Variants in MYCBP2 observed in about 807,000 individuals in gnomAD.
MYCBP2 encodes MYC binding protein 2.
Under a neutral mutation model 525.3 loss-of-function variants are expected in MYCBP2, and 120 were observed. The observed-to-expected ratio is 0.23, with a 90% CI of 0.20 to 0.27. MYCBP2 has a LOEUF of 0.27. Ranked by LOEUF, MYCBP2 falls within the 10% of genes least tolerant of loss-of-function variation. MYCBP2 has a pLI of 1.00. For synonymous variants in MYCBP2, 1,894 were observed against 1,955.8 expected, an observed-to-expected ratio of 0.97 and a Z score of 0.83; for missense variants, 4,149 against 5,657.1, an observed-to-expected ratio of 0.73 and a Z score of 8.55.
intron 36 of MYCBP2, 38 bp downstream of exon 36, chr13:77,176,459 A>G (rs774781853): frequency 1.3e-6 from 2 of 1,511,834 alleles, no homozygotes; most frequent in Non-Finnish European, 1.8e-6. Context: ...ACATAATAAT[A>G]CCTCTTATTC....
In MYCBP2 at chr13:77,098,053, A is replaced by G; in HGVS notation, c.9101T>C (p.Val3034Ala). Reference sequence around the variant, plus strand: ...TTCATGCCAGAGGAAGGAAGCAAACACAGCTCTGGCACATTCGGCCACAGA... The same window carrying G: ...TTCATGCCAGAGGAAGGAAGCAAACGCAGCTCTGGCACATTCGGCCACAGA... Reference protein sequence around the residue: ...SPSVAECARAVFASFLWHEGI... With the variant: ...SPSVAECARAAFASFLWHEGI... The change falls in exon 56 of 83, where the codon GTG (valine) becomes GCG (alanine). Residue 3034 changes from valine (V) to alanine (A), a missense_variant. Transcript: ENST00000544440. 1 of 1,613,688 alleles carries G rather than the reference A, an allele frequency of 6.2e-7. No individual in the cohort carries two copies. The highest frequency in any genetic ancestry group is 8.5e-7 in the Non-Finnish European group (1 of 1,179,808).
chr13:77,294,114 A>ATATATATATG, intron 2 of MYCBP2, among the ~76,000 whole-genome samples: 1 of 55,416 alleles, frequency 1.8e-5, no homozygotes, highest in East Asian at 4.9e-4. Flanking sequence ...CTATATATAT[A>ATATATATATG]TATATATATA....
chr13:77,270,598 A>G, intron 5 of MYCBP2, 60 bp from the exon 6 acceptor site: 1 of 1,470,432 alleles, frequency 6.8e-7, no homozygotes. Context: ...AACACAGAAC[A>G]AAGATACTTT....
intron 21 of MYCBP2, among the ~76,000 whole-genome samples, chr13:77,216,019 T>C (rs2064772653): frequency 6.6e-6 from 1 of 152,158 alleles, no homozygotes; most frequent in African/African-American, 2.4e-5. Flanking sequence ...GAATCAGGGT[T>C]CTTGGAGAAA....
At chr13:77,080,773 C>T (rs2154103197) in intron 65 of MYCBP2, 1 of 152,208 alleles carries the variant, frequency 6.6e-6, no homozygotes, top group African/African-American at 2.4e-5. Flanking sequence ...GAAACCCTGT[C>T]TCTACTAAAA....
chr13:77,210,342 G>A (rs546631469), intron 23 of MYCBP2, among the ~76,000 whole-genome samples: 52 of 151,640 alleles, frequency 3.4e-4, no homozygotes, highest in African/African-American at 1.1e-3. Context: ...ACAGGTGCCC[G>A]CCACCACGCC....
Position 77,122,031 on chromosome 13 carries a change from TAGA to T in MYCBP2, c.8018-539_8018-537del, listed in dbSNP as rs542219890. Among the ~76,000 whole-genome samples, 970 of 152,108 alleles carry T rather than the reference TAGA, an allele frequency of 6.4e-3. 7 individuals are homozygous for T. Among genetic ancestry groups the T allele is most frequent in the African/African-American group, 0.022 (905 of 41,500 alleles). On this transcript the variant is annotated intron_variant, in intron 54 of 82. Transcript: ENST00000544440. ...ATCACATAAAGATATTTTTCCCAAATAGAAGGATAATAATAAACCATGTTACAT... is the reference window on the plus strand; with the variant it reads ...ATCACATAAAGATATTTTTCCCAAATAGGATAATAATAAACCATGTTACAT...
chr13:77,091,059 C>T (rs2045323419), intron 59 of MYCBP2, among the ~76,000 whole-genome samples: 2 of 152,066 alleles, frequency 1.3e-5, no homozygotes, highest in Admixed American at 6.6e-5. Context: ...AATATTTTTG[C>T]TCACCGTTGG....
At chr13:77,163,290 G>C (rs2058159413) in intron 43 of MYCBP2, among the ~76,000 whole-genome samples, 1 of 152,074 alleles carries the variant, frequency 6.6e-6, no homozygotes, top group Non-Finnish European at 1.5e-5. Flanking sequence ...TAGGTTGCTA[G>C]CAATTTTCCT....
At position 77,326,767 on chromosome 13, in the gene MYCBP2, C is replaced by T; in HGVS notation, c.9G>A (p.Met3Ile). 7.1e-7 allele frequency: 1 copy of T among 1,409,678 alleles called. No individual in the cohort carries two copies. Among genetic ancestry groups the T allele is most frequent in the Non-Finnish European group, 9.1e-7 (1 of 1,095,454 alleles). 87.3% of individuals were successfully genotyped at this position (1,409,678 alleles called of 1,614,324 possible). Residue 3 changes from methionine (M) to isoleucine (I), a missense_variant, in exon 1 of 83, where the codon ATG (methionine) becomes ATA (isoleucine). This residue lies in a region of MYCBP2 where 413 missense variants were observed against 451.2 expected (regional missense o/e 0.92). Transcript: ENST00000544440. The surrounding 1 kb of genome is among the most constrained non-coding windows in gnomAD (Gnocchi z 4.2). MMMCAATASPAAA... is the reference protein window; with the variant it reads MMICAATASPAAA... Reference sequence around the variant, plus strand: ...CGGCGGGGGAGGCAGTCGCTGCGCACATCATCATCCTCGCCGCCGCCGCCG... The same window carrying T: ...CGGCGGGGGAGGCAGTCGCTGCGCATATCATCATCCTCGCCGCCGCCGCCG...
chr13:77,165,209 A>G, intron 42 of MYCBP2, 64 bp downstream of exon 42: 1 of 1,382,526 alleles, frequency 7.2e-7, no homozygotes, highest in Non-Finnish European at 1.0e-6. Flanking sequence ...AGTTAGAAGC[A>G]CAACTCACTA....
intron 3 of MYCBP2, among the ~76,000 whole-genome samples, 154 bp downstream of exon 3, chr13:77,288,007 T>C (rs898064606): frequency 3.9e-5 from 6 of 152,248 alleles, no homozygotes; most frequent in Non-Finnish European, 7.3e-5. Flanking sequence ...GAGTTTTCCT[T>C]TTCTGCTCCA....
At chr13:77,225,662 C>A in intron 18 of MYCBP2, 108 bp from the exon 19 acceptor site, 1 of 1,377,240 alleles carries the variant, frequency 7.3e-7, no homozygotes, top group Non-Finnish European at 9.9e-7. Context: ...TTAAAAGGAA[C>A]AAGCAAGAAG....
chr13:77,300,990 T>C (rs575314339), intron 1 of MYCBP2, among the ~76,000 whole-genome samples: 1 of 152,246 alleles, frequency 6.6e-6, no homozygotes, highest in Non-Finnish European at 1.5e-5. Flanking sequence ...AACAAGAGAC[T>C]AGTAGTGCTT....
intron 4 of MYCBP2, among the ~76,000 whole-genome samples, chr13:77,274,914 A>AT (rs1197858320): frequency 1.3e-5 from 2 of 150,534 alleles, no homozygotes; most frequent in Admixed American, 6.6e-5. Flanking sequence ...CTATACTTCC[A>AT]TTTTTTTCCA....
At chr13:77,245,873 T>TATAC (rs2069833534) in intron 15 of MYCBP2, among the ~76,000 whole-genome samples, 1 of 150,840 alleles carries the variant, frequency 6.6e-6, no homozygotes, top group African/African-American at 2.4e-5. Context: ...CACATATATA[T>TATAC]ACACACACAC....
At chr13:77,077,060 G>T (rs74096181) in intron 67 of MYCBP2, 88 bp downstream of exon 67, 13 of 1,507,192 alleles carry the variant, frequency 8.6e-6, no homozygotes, top group Non-Finnish European at 1.2e-5. Context: ...AGAAATTTCT[G>T]TAATAAGTTT....
rs1302867127 is a variant in MYCBP2 at position 77,296,639 on chromosome 13, C to A, written c.338G>T (p.Arg113Ile). The A allele has an allele frequency of 6.5e-7, 1 of 1,529,852 alleles. No homozygotes were observed. 94.8% of individuals were successfully genotyped at this position (1,529,852 alleles called of 1,614,324 possible). A position where few individuals can be genotyped will look rare whatever the true frequency, so the allele number is the denominator to read the frequency against. Residue 113 changes from arginine (R) to isoleucine (I), a missense_variant, in exon 2 of 83, where the codon AGA becomes ATA. This residue lies in a region of MYCBP2 where 413 missense variants were observed against 451.2 expected (regional missense o/e 0.92). Transcript: ENST00000544440. ...KKILNKKKLK[R>I]KQKSKSKVKT... ...CACTTTTGATTTGCTCTTCTGTTTT[C>A]TTTTCAATTTCTTCTTATTTAAAAT...
At chr13:77,131,781 C>G (rs1354805854) in intron 52 of MYCBP2, among the ~76,000 whole-genome samples, 1 of 151,936 alleles carries the variant, frequency 6.6e-6, no homozygotes, top group African/African-American at 2.4e-5. Context: ...AAAGTTCTGT[C>G]AAGAAAATTA....
Sources: allele counts gnomAD v4.1 joint callset (sites outside exome capture counted in the v4.1 genomes callset), GRCh38; gene constraint gnomAD v4.1.1; regional missense constraint gnomAD v4.1.1; non-coding constraint Gnocchi (gnomAD v3.1); transcripts MANE v1.5; gene names NCBI Gene and HGNC (gene_info 2026-07-23, HGNC 2026-07-21).